The following IRS4 variants were observed in gnomAD, a reference collection of about 807,000 sequenced individuals.
IRS4 encodes 160 kDa phosphotyrosine protein.
Under a neutral mutation model 48.6 loss-of-function variants are expected in IRS4, and 15 were observed. The ratio of observed to expected loss-of-function variants is 0.31; its 90% CI spans 0.21 to 0.48. The LOEUF is 0.48. IRS4 is among the 20% of genes least tolerant of loss of function. The pLI is 0.99. For missense variants in IRS4, 987 were observed against 1,023.4 expected, an observed-to-expected ratio of 0.96 and a Z score of 0.49; for synonymous variants, 459 against 413.2, an observed-to-expected ratio of 1.11 and a Z score of -1.34.
Position 108,736,031 on chromosome X carries a change from G to A in IRS4, c.314C>T (p.Ala105Val). 1 of 1,210,621 alleles carries A rather than the reference G, an allele frequency of 8.3e-7. No individual in the cohort carries two copies. The change falls in exon 1 of 2, where the codon GCC becomes GTC. Residue 105 changes from alanine (A) to valine (V), a missense_variant. Physicochemically the swap from Ala to Val is moderately conservative, Grantham distance 64 (BLOSUM62 0). Transcript: ENST00000372129. ...YFVLKLETADAPARLEYYENA... is the reference protein window; with the variant it reads ...YFVLKLETADVPARLEYYENA... ...TTCGTAGTATTCCAGCCGAGCTGGG[G>A]CGTCAGCAGTCTCGAGTTTGAGCAC... is the stretch of plus-strand genomic sequence containing the variant.
intron 1 of IRS4, among the ~76,000 whole-genome samples, chrX:108,725,493 A>G (rs896931099): frequency 8.3e-5 from 9 of 108,099 alleles, no homozygotes; most frequent in Admixed American, 5.9e-4. Flanking sequence ...GCAAAGAAAG[A>G]TATGTTGAAG....
In IRS4 at chrX:108,734,014, A is replaced by T; in HGVS notation, c.2331T>A (p.Ser777Arg). The change falls in exon 1 of 2, where the codon AGT becomes AGA. Residue 777 changes from serine (S) to arginine (R), a missense_variant. Transcript: ENST00000372129. ...CTCCAGGAGCCATAAACATGTAGTC[A>T]CTCTCACTGTCATTGTCCTTTGAGT... Reference protein sequence around the residue: ...EDDSKDNDSESDYMFMAPGAG... With the variant: ...EDDSKDNDSERDYMFMAPGAG... 1 of 1,210,946 alleles carries T rather than the reference A, an allele frequency of 8.3e-7. No homozygotes were observed. Among genetic ancestry groups the T allele is most frequent in the Non-Finnish European group, 1.1e-6 (1 of 895,096 alleles).
Position 108,732,804 on chromosome X carries a change from C to T in IRS4, c.3541G>A (p.Val1181Ile). The T allele has an allele frequency of 1.7e-6, 2 of 1,189,991 alleles. No homozygotes were observed. Among genetic ancestry groups the T allele is most frequent in the East Asian group, 3.0e-5 (1 of 33,533 alleles). The change falls in exon 1 of 2, where the codon GTT becomes ATT. Residue 1181 changes from valine to isoleucine, a missense_variant. By Grantham distance (29) the Val-to-Ile change is conservative. Transcript: ENST00000372129. ...GCTCCAGGGTTCGAGCCACCGGCAA[C>T]GTCTTGGGCTCCCCTTACTGCTTCG... ...DAEAVRGAQD[V>I]AGGSNPGAHN... is the part of the protein sequence containing the mutation.
At position 108,734,443 on chromosome X, in the gene IRS4, AGGAGGTGGT is replaced by A. The variant is rs757147607; in HGVS notation, c.1893_1901del (p.Pro637_Pro639del). On this transcript the variant is annotated inframe_deletion, in exon 1 of 2. Coordinates refer to ENST00000372129, the MANE Select transcript of IRS4 (RefSeq NM_001379150.1). Reference sequence around the variant, plus strand: ...TTCCTCCAGCTGGTGGGGGTGGAGGAGGAGGTGGTGGAGGTGGTGGCATTTGCTGTTGCT... The same window carrying A: ...TTCCTCCAGCTGGTGGGGGTGGAGGAGGAGGTGGTGGCATTTGCTGTTGCT... 5.0e-6 allele frequency: 6 copies of A among 1,209,584 alleles called. No homozygotes were observed. The highest frequency in any genetic ancestry group is 4.4e-5 in the Admixed American group (2 of 45,797).
intron 1 of IRS4, 73 bp from the exon 2 acceptor site, chrX:108,722,596 A>T (rs111264006): frequency 6.3e-4 from 185 of 292,111 alleles, no homozygotes; most frequent in African/African-American, 3.7e-3. Flanking sequence ...ACCCTGTTTT[A>T]AAACAAAACA....
chrX:108,736,072 C>T lies in IRS4; in HGVS notation c.273G>A (p.Gly91=). The T allele has an allele frequency of 8.3e-7, 1 of 1,210,747 alleles. No individual in the cohort carries two copies. The highest frequency in any genetic ancestry group is 1.1e-6 in the Non-Finnish European group (1 of 895,248). ...KRGYLRKQKH[G]HRRYFVLKLE... ...GTTTGAGCACGAAGTAGCGCCTGTG[C>T]CCATGCTTCTGTTTCCGCAGGTAGC... The change falls in exon 1 of 2, where the codon GGG becomes GGA. Residue 91 remains glycine, a synonymous_variant. Transcript: ENST00000372129.
intron 1 of IRS4, among the ~76,000 whole-genome samples, chrX:108,730,753 A>C (rs1311416069): frequency 8.9e-6 from 1 of 112,374 alleles, no homozygotes; most frequent in Non-Finnish European, 1.9e-5. Context: ...AGGAACAGTA[A>C]GATTTCACTA....
chrX:108,734,662 G>A lies in IRS4; in HGVS notation c.1683C>T (p.Gly561=), dbSNP rs765095128. ...GTAGGHGSGG[G]QRPGGGHGSG... ...AGCCATGCCCACCTCCAGGTCTCTG[G>A]CCACCACCTGAACCGTGCCCACCTG... The change falls in exon 1 of 2, where the codon GGC becomes GGT. Residue 561 remains glycine (G), a synonymous_variant. Coordinates refer to ENST00000372129, the MANE Select transcript of IRS4 (RefSeq NM_001379150.1). The A allele has an allele frequency of 2.5e-6, 3 of 1,210,367 alleles. No individual in the cohort carries two copies. Among genetic ancestry groups the A allele is most frequent in the East Asian group, 5.9e-5 (2 of 33,750 alleles).
At position 108,721,328 on chromosome X, in the gene IRS4, C is replaced by T. The variant is rs2068855187; in HGVS notation, c.*1191G>A. ...TGCTAGTGTCACGTTCTCAAAGGTC[C>T]AGGTACCTAAAATCTTAATTCAGTT... On this transcript the variant is annotated 3_prime_UTR_variant, in exon 2 of 2. Transcript: ENST00000372129. The T allele has an allele frequency of 9.0e-6, 1 of 111,101 alleles. No individual in the cohort carries two copies. Among genetic ancestry groups the T allele is most frequent in the African/African-American group, 3.3e-5 (1 of 30,557 alleles). The allele number at this position is 111,101 out of a possible 1,213,427, so 9.2% of individuals were successfully genotyped here. A position where few individuals can be genotyped will look rare whatever the true frequency, so the allele number is the denominator to read the frequency against.
rs537300647 is a variant in IRS4, at chrX:108,733,021, G to A, written c.3324C>T (p.Leu1108=). ...AAVSAFPTDS[L]ERDLSPSSAP... is the part of the protein sequence containing the mutation. ...CTGAGGATGGGGAAAGGTCTCTCTC[G>A]AGGCTGTCTGTTGGAAAAGCAGAGA... Residue 1108 remains leucine, a synonymous_variant, in exon 1 of 2, where the codon CTC becomes CTT. Transcript: ENST00000372129. 8.3e-7 allele frequency: 1 copy of A among 1,211,180 alleles called. No homozygotes were observed. Among genetic ancestry groups the A allele is most frequent in the Non-Finnish European group, 1.1e-6 (1 of 895,146 alleles).
chrX:108,726,076 C>A (rs2068873616), intron 1 of IRS4: 1 of 112,511 alleles, frequency 8.9e-6, no homozygotes, highest in Non-Finnish European at 1.9e-5. Context: ...TTAAAGAATG[C>A]AAGTTACTAG....
At chrX:108,731,322 A>G (rs1449611096) in intron 1 of IRS4, among the ~76,000 whole-genome samples, 1 of 111,197 alleles carries the variant, frequency 9.0e-6, no homozygotes, top group Non-Finnish European at 1.9e-5. Flanking sequence ...CAGAGATCCA[A>G]TCACAAAAGC....
At position 108,732,706 on chromosome X, in the gene IRS4, C is replaced by G. The variant is rs1459317047; in HGVS notation, c.3639G>C (p.Pro1213=). Residue 1213 remains proline, a synonymous_variant, in exon 1 of 2, where the codon CCG becomes CCC. Transcript: ENST00000372129. The part of the protein sequence containing the change: ...AGGAAAAAAA[P]EPPPRSRRVP... ...CCCGGCGACTGCGAGGTGGTGGTTC[C>G]GGAGCGGCAGCTGCAGCGGCAGCCC... 34 of 1,209,790 alleles carry G rather than the reference C, an allele frequency of 2.8e-5. No individual in the cohort carries two copies. The highest frequency in any genetic ancestry group is 3.8e-5 in the Non-Finnish European group (34 of 895,068).
chrX:108,736,512 C>A lies in IRS4; in HGVS notation c.-168G>T. 2 of 835,322 alleles carry A rather than the reference C, an allele frequency of 2.4e-6. No homozygotes were observed. Among genetic ancestry groups the A allele is most frequent in the Non-Finnish European group, 3.4e-6 (2 of 594,259 alleles). 68.8% of individuals were successfully genotyped at this position (835,322 alleles called of 1,213,427 possible). ...GCGCACGACAGCGGGCAAAACAACACGTGACCACAGCCTCACGCGGCGGCC... is the reference window on the plus strand; with the variant it reads ...GCGCACGACAGCGGGCAAAACAACAAGTGACCACAGCCTCACGCGGCGGCC... On this transcript the variant is annotated 5_prime_UTR_variant, in exon 1 of 2. Transcript: ENST00000372129.
chrX:108,734,936 T>A lies in IRS4; in HGVS notation c.1409A>T (p.Glu470Val). The stretch of plus-strand genomic sequence containing the variant: ...TTCTTTGCCCTGGGGATTGCCTTCC[T>A]CCCCAAAGTTGCCAGAGCCAGAACC... ...VSGSGSGNFG[E>V]EGNPQGKEDQ... Residue 470 changes from glutamate to valine, a missense_variant, in exon 1 of 2, where the codon GAG (glutamate) becomes GTG (valine). Physicochemically the swap from Glu to Val is moderately radical, Grantham distance 121. This residue lies in a region of IRS4 where 720 missense variants were observed against 660.3 expected (regional missense o/e 1.09). Coordinates refer to ENST00000372129, the MANE Select transcript of IRS4 (RefSeq NM_001379150.1). 2.5e-6 allele frequency: 3 copies of A among 1,211,800 alleles called. No individual in the cohort carries two copies.
chrX:108,722,766 C>G (rs1431057294), intron 1 of IRS4: 1 of 203,609 alleles, frequency 4.9e-6, no homozygotes, highest in Non-Finnish European at 9.3e-6. Context: ...CAGGCTGTCA[C>G]TGACATTTCT....
In IRS4 at chrX:108,734,770, C is replaced by T. The variant is rs780560532; in HGVS notation, c.1575G>A (p.Glu525=). ...CCTGACCACCTCGGGATCCCTGTCC[C>T]TCGCCTGAACACTGGTTTCCTCCCG... ...HSSGGNQCSG[E]GQGSRGGQGS... is the part of the protein sequence containing the mutation. The change falls in exon 1 of 2, where the codon GAG becomes GAA. Residue 525 remains glutamate (E), a synonymous_variant. Transcript: ENST00000372129. 9.1e-6 allele frequency: 11 copies of T among 1,209,171 alleles called. No homozygotes were observed. In the South Asian group the frequency reaches 1.1e-4, roughly 12 times the overall value.
At chrX:108,722,713 A>C in intron 1 of IRS4, 190 bp from the exon 2 acceptor site, 1 of 227,733 alleles carries the variant, frequency 4.4e-6, no homozygotes, top group Non-Finnish European at 8.3e-6. Context: ...TGTGAGGAAT[A>C]TCAGCTGGGC....
rs966750202 is a variant in IRS4 at position 108,720,602 on chromosome X, T to C, written c.*1917A>G. On this transcript the variant is annotated 3_prime_UTR_variant, in exon 2 of 2. Coordinates refer to ENST00000372129, the MANE Select transcript of IRS4 (RefSeq NM_001379150.1). ...GTATTTTCCCCCAAGTAATCTTTTT[T>C]CCCACAATTCTGAACAATTATTACT... 7.1e-5 allele frequency: 8 copies of C among 111,969 alleles called. No homozygotes were observed. The highest frequency in any genetic ancestry group is 2.6e-4 in the African/African-American group (8 of 30,768). The allele number at this position is 111,969 out of a possible 1,213,427, so 9.2% of individuals were successfully genotyped here. A position where few individuals can be genotyped will look rare whatever the true frequency, so the allele number is the denominator to read the frequency against.
Sources: gnomAD v4.1 joint callset for allele counts (sites outside exome capture counted in the v4.1 genomes callset) on GRCh38, gnomAD v4.1.1 for gene constraint, gnomAD v4.1.1 regional missense constraint, MANE v1.5 for transcripts, NCBI Gene and HGNC (gene_info 2026-07-23, HGNC 2026-07-21) for gene names.